Variants in DNAH1 observed in about 807,000 individuals in gnomAD.
DNAH1 encodes dynein axonemal heavy chain 1.
Under a neutral mutation model 484.3 loss-of-function variants are expected in DNAH1, and 327 were observed. The ratio of observed to expected loss-of-function variants is 0.68; its 90% CI spans 0.62 to 0.74. The LOEUF is 0.74. Ranked by LOEUF, DNAH1 falls within the 30% of genes least tolerant of loss-of-function variation. The probability of loss-of-function intolerance (pLI) is 0.00; values close to 1 mark genes in which losing one functional copy is unlikely to be tolerated. For missense variants in DNAH1, 5,052 were observed against 5,546.8 expected, an observed-to-expected ratio of 0.91 and a Z score of 2.83; for synonymous variants, 2,192 against 2,191.9, an observed-to-expected ratio of 1.00 and a Z score of 0.00.
Position 52,354,985 on chromosome 3 carries a change from C to T in DNAH1, c.3623C>T (p.Ser1208Leu). Residue 1208 changes from serine (S) to leucine (L), a missense_variant, in exon 21 of 78, where the codon TCA becomes TTA. This residue lies in a region of DNAH1 where 2,929 missense variants were observed against 3,409.4 expected (regional missense o/e 0.86). Transcript: ENST00000420323. ...CACATCGTCATGACCCAGAATATGT[C>T]ATTTTCACCCTACAAGAAGCCCTTT... The part of the protein sequence containing the change: ...DDHIVMTQNM[S>L]FSPYKKPFEQ... The T allele has an allele frequency of 6.2e-7, 1 of 1,614,040 alleles. No individual in the cohort carries two copies. The highest frequency in any genetic ancestry group is 8.5e-7 in the Non-Finnish European group (1 of 1,179,908).
chr3:52,385,563 C>A, intron 54 of DNAH1, 116 bp downstream of exon 54: 1 of 772,388 alleles, frequency 1.3e-6, no homozygotes, highest in Non-Finnish European at 2.1e-6. Context: ...CCTCCGTGTG[C>A]CCCAGCTTCC....
intron 8 of DNAH1, among the ~76,000 whole-genome samples, chr3:52,334,118 GATGATAT>G (rs1701651843): frequency 6.6e-6 from 1 of 152,196 alleles, no homozygotes; most frequent in Admixed American, 6.5e-5. Flanking sequence ...CACAGACCTT[GATGATAT>G]AGCTGGCTGC....
chr3:52,347,221 GAGGTGGAGGC>G (rs1328108728), intron 11 of DNAH1, among the ~76,000 whole-genome samples: 3 of 150,748 alleles, frequency 2.0e-5, no homozygotes, highest in Admixed American at 6.6e-5. Flanking sequence ...GAGGCGATGT[GAGGTGGAGGC>G]AGGTACAGGC....
In DNAH1 at chr3:52,381,435, C is replaced by T. The variant is rs1215138296; in HGVS notation, c.7609-205C>T. Among the ~76,000 whole-genome samples the T allele has an allele frequency of 6.6e-6, 1 of 152,070 alleles. No individual in the cohort carries two copies. The highest frequency in any genetic ancestry group is 1.5e-5 in the Non-Finnish European group (1 of 68,026). ...GCCAATCCCTCAGTGTTTTGAGCAA[C>T]AATCTAAGCAAGTTTATCAGTGTCT... On this transcript the variant is annotated intron_variant, in intron 48 of 77. Coordinates refer to ENST00000420323, the MANE Select transcript of DNAH1 (RefSeq NM_015512.5). This position sits in a 1 kb window ranked among gnomAD's most constrained non-coding sequence, Gnocchi z 4.1.
At position 52,388,246 on chromosome 3, in the gene DNAH1, A is replaced by G. The variant is rs1704196167; in HGVS notation, c.9083A>G (p.Lys3028Arg). Residue 3028 changes from lysine to arginine, a missense_variant, in exon 57 of 78, where the codon AAG becomes AGG. By Grantham distance (26) the Lys-to-Arg change is conservative. Around this residue, in one of 4 missense-constraint regions of DNAH1, gnomAD observed 2,929 missense variants for 3,409.4 expected, o/e 0.86. Transcript: ENST00000420323. ...NEEFQPATIA[K>R]VSKACTSICQ... The stretch of plus-strand genomic sequence containing the variant: ...GAGTTCCAGCCAGCCACCATTGCCA[A>G]GGTGTCCAAGGCTTGCACCTCCATC... The G allele has an allele frequency of 2.5e-6, 4 of 1,605,376 alleles. No homozygotes were observed. The highest frequency in any genetic ancestry group is 2.2e-5 in the East Asian group (1 of 44,552).
At chr3:52,319,557 C>T (rs1701068648) in intron 1 of DNAH1, among the ~76,000 whole-genome samples, 1 of 152,268 alleles carries the variant, frequency 6.6e-6, no homozygotes, top group Non-Finnish European at 1.5e-5. Flanking sequence ...CCTGCCATCT[C>T]ACTGGCCAGT....
chr3:52,375,452 G>A (rs573596887), intron 45 of DNAH1, 39 bp downstream of exon 45: 2 of 1,592,780 alleles, frequency 1.3e-6, no homozygotes, highest in South Asian at 2.2e-5. Context: ...AAAGGCAGAA[G>A]CCCAGGCCAG....
At chr3:52,375,558 G>A in intron 45 of DNAH1, 145 bp downstream of exon 45, 1 of 871,962 alleles carries the variant, frequency 1.1e-6, no homozygotes, top group Non-Finnish European at 1.7e-6. Flanking sequence ...TCAGCTGTGT[G>A]ATCTTTGGCA....
At chr3:52,333,859 C>T (rs1229780137) in intron 8 of DNAH1, among the ~76,000 whole-genome samples, 1 of 151,942 alleles carries the variant, frequency 6.6e-6, no homozygotes, top group Admixed American at 6.6e-5. Flanking sequence ...ATAATTTTGC[C>T]CAATTGTAGG....
At chr3:52,398,240 G>A in intron 75 of DNAH1, 78 bp downstream of exon 75, 2 of 1,495,660 alleles carry the variant, frequency 1.3e-6, no homozygotes, top group East Asian at 4.6e-5. Flanking sequence ...GTTACTATGG[G>A]CCAGGTGCCA....
rs772874455 is a variant in DNAH1, at chr3:52,352,576, C to T, written c.2896C>T (p.His966Tyr). ...LQLVVAGFSI[H>Y]VEISRAHEIA... is the part of the protein sequence containing the mutation. ...GCTGGTAGTAGCTGGCTTCTCCATCCATGTGGAGATTTCACGTGCACACGA... is the reference window on the plus strand; with the variant it reads ...GCTGGTAGTAGCTGGCTTCTCCATCTATGTGGAGATTTCACGTGCACACGA... Residue 966 changes from histidine to tyrosine, a missense_variant, in exon 18 of 78, where the codon CAT (histidine) becomes TAT (tyrosine). Physicochemically the swap from His to Tyr is moderately conservative, Grantham distance 83. Transcript: ENST00000420323. The T allele has an allele frequency of 1.2e-5, 20 of 1,612,230 alleles. No homozygotes were observed. The highest frequency in any genetic ancestry group is 1.5e-5 in the Non-Finnish European group (18 of 1,179,248).
Position 52,358,794 on chromosome 3 carries a change from A to G in DNAH1, c.4266+57A>G. On this transcript the variant is annotated intron_variant, in intron 25 of 77. Transcript: ENST00000420323. This position sits in a 1 kb window ranked among gnomAD's most constrained non-coding sequence, Gnocchi z 4.2. ...CCCCTGCACCCCTCTGCTCCCTCTC[A>G]GTGCCCCTCCTGCTCTAGCCGGCCT... 3 of 1,595,098 alleles carry G rather than the reference A, an allele frequency of 1.9e-6. No homozygotes were observed. Among genetic ancestry groups the G allele is most frequent in the East Asian group, 2.3e-5 (1 of 44,194 alleles).
At chr3:52,397,596 G>A (rs1704691717) in intron 73 of DNAH1, 111 bp from the exon 74 acceptor site, 3 of 1,013,998 alleles carry the variant, frequency 3.0e-6, no homozygotes, top group Non-Finnish European at 4.3e-6. Flanking sequence ...GTTATGAGCA[G>A]GAGTGACAAG....
rs1704545160 is a variant in DNAH1, at chr3:52,394,774, T to C, written c.10823+113T>C. 7.5e-6 allele frequency: 11 copies of C among 1,474,928 alleles called. No homozygotes were observed. The East Asian group carries it at 2.6e-4, about 35-fold the overall frequency. The allele number at this position is 1,474,928 out of a possible 1,614,324, so 91.4% of individuals were successfully genotyped here. On this transcript the variant is annotated intron_variant, in intron 67 of 77. Transcript: ENST00000420323. ...GCCACCCAGGGTTGCCCTGTGGCTG[T>C]GGCCACATCTCCTCTGTGCCTCCAG...
Position 52,360,304 on chromosome 3 carries a change from C to T in DNAH1, c.4572-7C>T, listed in dbSNP as rs780323288. On this transcript the variant is annotated splice_region_variant and splice_polypyrimidine_tract_variant and intron_variant, in intron 27 of 77. Coordinates refer to ENST00000420323, the MANE Select transcript of DNAH1 (RefSeq NM_015512.5). Reference sequence around the variant, plus strand: ...ATGGCCAGGCCCTCATCTCCCTGCACCGCCAGGTACTACTGGACAAATAAT... The same window carrying T: ...ATGGCCAGGCCCTCATCTCCCTGCATCGCCAGGTACTACTGGACAAATAAT... 4 of 1,611,012 alleles carry T rather than the reference C, an allele frequency of 2.5e-6. No homozygotes were observed. The highest frequency in any genetic ancestry group is 3.4e-6 in the Non-Finnish European group (4 of 1,177,608).
In DNAH1 at chr3:52,349,270, C is replaced by T. The variant is rs752578416; in HGVS notation, c.2376C>T (p.Ile792=). Residue 792 remains isoleucine, a synonymous_variant, in exon 14 of 78, where the codon ATC becomes ATT. Coordinates refer to ENST00000420323, the MANE Select transcript of DNAH1 (RefSeq NM_015512.5). Reference sequence around the variant, plus strand: ...TCACCCACCTGCGGGAGAAGGAGATCCTGGACAGCTCGCTGCCCAGCAGCA... The same window carrying T: ...TCACCCACCTGCGGGAGAAGGAGATTCTGGACAGCTCGCTGCCCAGCAGCA... ...VVLTHLREKE[I]LDSSLPSSII... is the part of the protein sequence containing the mutation. 30 of 1,613,866 alleles carry T rather than the reference C, an allele frequency of 1.9e-5. No individual in the cohort carries two copies. The highest frequency in any genetic ancestry group is 5.3e-5 in the African/African-American group (4 of 74,926).
rs180952807 is a variant in DNAH1 at position 52,395,394 on chromosome 3, C to T, written c.11055C>T (p.Ala3685=). 1.7e-4 allele frequency: 268 copies of T among 1,613,886 alleles called. 1 individual carries two copies. In the Admixed American group the frequency reaches 4.1e-3, roughly 25 times the overall value. The change falls in exon 69 of 78, where the codon GCC becomes GCT. Residue 3685 remains alanine, a synonymous_variant. Coordinates refer to ENST00000420323, the MANE Select transcript of DNAH1 (RefSeq NM_015512.5). The surrounding 1 kb of genome is among the most constrained non-coding windows in gnomAD (Gnocchi z 4.4). Reference sequence around the variant, plus strand: ...TGTCACCCGGCACAGACCCTGCTGCCGACCTCTACAAGTTTGCCGAAGAAA... The same window carrying T: ...TGTCACCCGGCACAGACCCTGCTGCTGACCTCTACAAGTTTGCCGAAGAAA... ...FVLSPGTDPA[A]DLYKFAEEMK...
At chr3:52,317,438 C>A (rs1700987902) in intron 1 of DNAH1, among the ~76,000 whole-genome samples, 1 of 152,178 alleles carries the variant, frequency 6.6e-6, no homozygotes, top group African/African-American at 2.4e-5. Context: ...GAACCAGAAC[C>A]CACCTTTTCC....
Position 52,332,304 on chromosome 3 carries a change from CCT to C in DNAH1, c.1199_1200del (p.Ser400Ter). On this transcript the variant is annotated frameshift_variant, in exon 8 of 78. Coordinates refer to ENST00000420323, the MANE Select transcript of DNAH1 (RefSeq NM_015512.5). LOFTEE classifies it high-confidence loss of function. ...TACAACTTGTATGTGGACTGCATGC[CCT>C]CTGACGGCCAGCATGTCATCAGTGA... 1 of 1,614,070 alleles carries C rather than the reference CCT, an allele frequency of 6.2e-7. No individual in the cohort carries two copies.
Sources: gnomAD v4.1 joint callset for allele counts (sites outside exome capture counted in the v4.1 genomes callset) on GRCh38, gnomAD v4.1.1 for gene constraint, gnomAD v4.1.1 regional missense constraint, Gnocchi (gnomAD v3.1) non-coding constraint, MANE v1.5 for transcripts, NCBI Gene and HGNC (gene_info 2026-07-23, HGNC 2026-07-21) for gene names.